Variants in FAM193A observed in about 807,000 individuals in gnomAD.
FAM193A encodes family with sequence similarity 193 member A, also known as protein FAM193A.
Under a neutral mutation model 126.5 loss-of-function variants are expected in FAM193A, and 22 were observed. The observed-to-expected ratio is 0.17, with a 90% confidence interval of 0.12 to 0.25. FAM193A has a LOEUF of 0.25. Among genes scored for constraint, FAM193A ranks in the 10% least tolerant of loss-of-function variants. The pLI, the probability that FAM193A is intolerant of heterozygous loss-of-function variation, is 1.00. For missense variants in FAM193A, 1,675 were observed against 1,672.8 expected (o/e 1.00, Z -0.02); for synonymous variants, 761 against 646.8 (o/e 1.18, Z -2.68).
intron 15 of FAM193A, among the ~76,000 whole-genome samples, chr4:2,691,371 A>C (rs918461614): frequency 2.0e-5 from 3 of 152,200 alleles, no homozygotes; most frequent in Non-Finnish European, 2.9e-5. Context: ...GCCCACCACC[A>C]CGCACGGCTA....
intron 4 of FAM193A, 72 bp from the exon 5 acceptor site, chr4:2,630,863 A>G (rs1295979195): frequency 1.2e-6 from 1 of 833,096 alleles, no homozygotes; most frequent in Non-Finnish European, 1.9e-6. Context: ...GGCTTCAGAA[A>G]AGATGCTCAC....
chr4:2,586,234 A>T (rs1453848447), intron 1 of FAM193A, among the ~76,000 whole-genome samples: 2 of 144,974 alleles, frequency 1.4e-5, no homozygotes, highest in African/African-American at 5.1e-5. Context: ...CAAGAGCAAA[A>T]ACTCCGTCTC....
chr4:2,584,523 G>C (rs1188571985), intron 1 of FAM193A, among the ~76,000 whole-genome samples: 1 of 151,434 alleles, frequency 6.6e-6, no homozygotes. Flanking sequence ...AAATTAATTT[G>C]ACCCCTGGTA....
chr4:2,549,395 C>CTTTTTTTTTT (rs869161808), intron 1 of FAM193A, among the ~76,000 whole-genome samples: 31 of 122,642 alleles, frequency 2.5e-4, no homozygotes, highest in Non-Finnish European at 3.0e-4. Context: ...TTCTTTTTTT[C>CTTTTTTTTTT]TTTTTTTTTT....
chr4:2,657,824 C>T lies in FAM193A; in HGVS notation c.1333C>T (p.Arg445Cys), dbSNP rs1240997532. 4 of 1,611,090 alleles carry T rather than the reference C, an allele frequency of 2.5e-6. No individual in the cohort carries two copies. The highest frequency in any genetic ancestry group is 2.5e-6 in the Non-Finnish European group (3 of 1,178,848). ...DEQMTMKTKQ[R>C]MLTEDWELFK... ...CTAGATGACAATGAAAACCAAGCAG[C>T]GCATGTTAACAGAAGACTGGGAGCT... Residue 445 changes from arginine to cysteine, a missense_variant, in exon 8 of 21, where the codon CGC (arginine) becomes TGC (cysteine). Physicochemically the swap from Arg to Cys is radical, Grantham distance 180. This residue lies in a region of FAM193A where 1,186 missense variants were observed against 1,109.2 expected (regional missense o/e 1.07). Coordinates refer to ENST00000637812, the MANE Select transcript of FAM193A (RefSeq NM_001366318.2).
chr4:2,630,568 G>A (rs945851540), intron 4 of FAM193A, among the ~76,000 whole-genome samples: 1 of 152,202 alleles, frequency 6.6e-6, no homozygotes, highest in Non-Finnish European at 1.5e-5. Context: ...CTGAGAAGTG[G>A]TAGCGTGCTC....
At chr4:2,673,281 G>A (rs570378093) in intron 13 of FAM193A, among the ~76,000 whole-genome samples, 1 of 152,296 alleles carries the variant, frequency 6.6e-6, no homozygotes, top group African/African-American at 2.4e-5. Context: ...AACAGAAAGG[G>A]AGGAGGACAT....
intron 1 of FAM193A, among the ~76,000 whole-genome samples, chr4:2,548,619 G>C (rs1737715106): frequency 6.6e-6 from 1 of 151,650 alleles, no homozygotes. Context: ...ACCGCGCCTG[G>C]CTAATTTTTG....
intron 1 of FAM193A, among the ~76,000 whole-genome samples, chr4:2,547,318 G>C (rs1737623545): frequency 6.6e-6 from 1 of 152,062 alleles, no homozygotes; most frequent in Non-Finnish European, 1.5e-5. Flanking sequence ...GCTTGAACCT[G>C]GGAGGTGAAG....
intron 1 of FAM193A, among the ~76,000 whole-genome samples, chr4:2,541,236 G>A (rs1421237225): frequency 2.0e-5 from 3 of 151,914 alleles, no homozygotes; most frequent in Non-Finnish European, 1.5e-5. Flanking sequence ...GGAGGCTGAG[G>A]CAGGAGAATT....
chr4:2,620,518 C>G (rs1742475617), intron 2 of FAM193A, among the ~76,000 whole-genome samples: 1 of 152,096 alleles, frequency 6.6e-6, no homozygotes, highest in African/African-American at 2.4e-5. Flanking sequence ...GGGCACCGCG[C>G]TCATAATCAG....
intron 1 of FAM193A, among the ~76,000 whole-genome samples, chr4:2,580,136 A>G (rs28850955): frequency 0.27 from 40,751 of 152,064 alleles, 5,928 homozygotes; most frequent in Middle Eastern, 0.39. Context: ...AGGGACTTGG[A>G]TGGAGCTAGA....
chr4:2,693,569 C>A lies in FAM193A; in HGVS notation c.2804-17C>A. 6.3e-7 allele frequency: 1 copy of A among 1,598,746 alleles called. No homozygotes were observed. Among genetic ancestry groups the A allele is most frequent in the Non-Finnish European group, 8.6e-7 (1 of 1,169,184 alleles). ...TTGAAACAAACTTGGCAGTGACTCTCGCCTCTCTAAATGCAGGTGACGTGT... is the reference window on the plus strand; with the variant it reads ...TTGAAACAAACTTGGCAGTGACTCTAGCCTCTCTAAATGCAGGTGACGTGT... On this transcript the variant is annotated splice_polypyrimidine_tract_variant and intron_variant, in intron 15 of 20. Transcript: ENST00000637812.
intron 13 of FAM193A, among the ~76,000 whole-genome samples, chr4:2,677,695 C>A (rs913319536): frequency 6.7e-6 from 1 of 149,226 alleles, no homozygotes; most frequent in Admixed American, 6.7e-5. Flanking sequence ...GAGCCAAGAT[C>A]GCGCCATTGC....
chr4:2,693,854 C>T lies in FAM193A; in HGVS notation c.3072C>T (p.Ser1024=), dbSNP rs377527149. 6.2e-6 allele frequency: 10 copies of T among 1,613,850 alleles called. No homozygotes were observed. Among genetic ancestry groups the T allele is most frequent in the Admixed American group, 1.7e-5 (1 of 60,000 alleles). Residue 1024 remains serine, a synonymous_variant, in exon 16 of 21, where the codon AGC becomes AGT. Coordinates refer to ENST00000637812, the MANE Select transcript of FAM193A (RefSeq NM_001366318.2). ...PLPPATDGSI[S]APPSVCSDPD... Reference sequence around the variant, plus strand: ...CCCCGGCCACAGATGGCTCCATTAGCGCCCCTCCAAGTGTCTGCAGGTGAG... The same window carrying T: ...CCCCGGCCACAGATGGCTCCATTAGTGCCCCTCCAAGTGTCTGCAGGTGAG...
intron 14 of FAM193A, 86 bp downstream of exon 14, chr4:2,689,790 G>A: frequency 1.0e-6 from 1 of 982,070 alleles, no homozygotes; most frequent in South Asian, 1.6e-5. Flanking sequence ...TGGAAGCCCT[G>A]GCGCAGCTGT....
intron 1 of FAM193A, among the ~76,000 whole-genome samples, chr4:2,580,220 T>C (rs749411621): frequency 2.6e-5 from 4 of 152,128 alleles, no homozygotes; most frequent in Non-Finnish European, 4.4e-5. Context: ...TTCTCCCTTA[T>C]AAGTGAGAAT....
chr4:2,713,596 C>T (rs754579439), intron 19 of FAM193A, among the ~76,000 whole-genome samples: 1 of 152,130 alleles, frequency 6.6e-6, no homozygotes, highest in Non-Finnish European at 1.5e-5. Flanking sequence ...TGAGTGAATT[C>T]CATTCTTTGT....
rs1716275479 is a variant in FAM193A at position 2,690,730 on chromosome 4, A to G, written c.2563A>G (p.Thr855Ala). 6.2e-7 allele frequency: 1 copy of G among 1,613,800 alleles called. No individual in the cohort carries two copies. Among genetic ancestry groups the G allele is most frequent in the Non-Finnish European group, 8.5e-7 (1 of 1,179,946 alleles). ...AATATTAGGGCCAACACTCTCAGAA[A>G]CAAGACCGGAAGCCCTTCCACCTCC... ...SEILGPTLSE[T>A]RPEALPPPSS... Residue 855 changes from threonine (T) to alanine (A), a missense_variant, in exon 15 of 21, where the codon ACA becomes GCA. Physicochemically the swap from Thr to Ala is moderately conservative, Grantham distance 58. This residue lies in a region of FAM193A where 1,186 missense variants were observed against 1,109.2 expected (regional missense o/e 1.07). Transcript: ENST00000637812.
Sources: gnomAD v4.1 joint callset for allele counts (sites outside exome capture counted in the v4.1 genomes callset) on GRCh38, gnomAD v4.1.1 for gene constraint, gnomAD v4.1.1 regional missense constraint, MANE v1.5 for transcripts, NCBI Gene and HGNC (gene_info 2026-07-23, HGNC 2026-07-21) for gene names.